The following CAST variants were observed in gnomAD, a reference collection of about 807,000 sequenced individuals.
The protein encoded by CAST is calpastatin.
Under a neutral mutation model 119.6 loss-of-function variants are expected in CAST, and 76 were observed. That is an observed-to-expected ratio of 0.64 (90% CI 0.53 to 0.77). The LOEUF (loss-of-function observed/expected upper bound fraction) is 0.77, where lower values mean the gene tolerates loss of function less well. Ranked by LOEUF, CAST falls within the 30% of genes least tolerant of loss-of-function variation. The probability of loss-of-function intolerance (pLI) is 0.00; values close to 1 mark genes in which losing one functional copy is unlikely to be tolerated. For synonymous variants in CAST, 319 were observed against 331.6 expected, an observed-to-expected ratio of 0.96 and a Z score of 0.41; for missense variants, 953 against 946.5, an observed-to-expected ratio of 1.01 and a Z score of -0.09.
chr5:96,388,069 G>A, the CAST span, among the ~76,000 whole-genome samples: 1 of 152,210 alleles, frequency 6.6e-6, no homozygotes, highest in Non-Finnish European at 1.5e-5. Flanking sequence ...TGGATGTGGA[G>A]GAGAGAGAAA....
chr5:96,633,996 A>C (rs1228761244), intron 1 of CAST, among the ~76,000 whole-genome samples: 2 of 152,194 alleles, frequency 1.3e-5, no homozygotes, highest in Non-Finnish European at 2.9e-5. Context: ...ACTGTTTTGC[A>C]AATGGAGAGA....
chr5:96,515,103 C>T, the CAST span, among the ~76,000 whole-genome samples: 57,170 of 151,850 alleles, frequency 0.38, 11,032 homozygotes, highest in East Asian at 0.56. Context: ...AGAGATTGTC[C>T]GTGGTTTGCC....
At chr5:96,157,648 C>T in the CAST span, among the ~76,000 whole-genome samples, 1 of 152,166 alleles carries the variant, frequency 6.6e-6, no homozygotes, top group Non-Finnish European at 1.5e-5. Flanking sequence ...ATAAAAAGAA[C>T]CTCAGCTGAG....
intron 4 of CAST, among the ~76,000 whole-genome samples, chr5:96,725,627 ATAAAT>A (rs1276153628): frequency 6.6e-6 from 1 of 152,230 alleles, no homozygotes; most frequent in Non-Finnish European, 1.5e-5. Flanking sequence ...CACTACAAAA[ATAAAT>A]TCAGCAATTA....
At chr5:96,712,319 T>G (rs1756332063) in intron 3 of CAST, among the ~76,000 whole-genome samples, 1 of 152,038 alleles carries the variant, frequency 6.6e-6, no homozygotes, top group Non-Finnish European at 1.5e-5. Flanking sequence ...TGACACAACT[T>G]TTTTTCTTTT....
intron 3 of CAST, among the ~76,000 whole-genome samples, chr5:96,720,948 G>T (rs1049930357): frequency 3.9e-5 from 6 of 152,232 alleles, no homozygotes; most frequent in Non-Finnish European, 8.8e-5. Flanking sequence ...GGAATTTCTT[G>T]AGTTTGAATG....
chr5:96,112,456 G>T, the CAST span, among the ~76,000 whole-genome samples: 1 of 152,122 alleles, frequency 6.6e-6, no homozygotes, highest in South Asian at 2.1e-4. Flanking sequence ...CCACTAGGAG[G>T]ATAAATTTTG....
intron 1 of CAST, among the ~76,000 whole-genome samples, chr5:96,556,862 C>T (rs989911093): frequency 2.6e-5 from 4 of 152,068 alleles, no homozygotes; most frequent in Admixed American, 6.6e-5. Flanking sequence ...CAGAGAATGC[C>T]ACAAAGATAC....
chr5:96,576,416 CT>C (rs1451719431), intron 1 of CAST, among the ~76,000 whole-genome samples: 6 of 152,082 alleles, frequency 3.9e-5, no homozygotes. Flanking sequence ...ACAATCTTGG[CT>C]CACTGCAATC....
the CAST span, among the ~76,000 whole-genome samples, chr5:96,363,935 T>C: frequency 1.3e-5 from 2 of 152,144 alleles, no homozygotes; most frequent in South Asian, 2.1e-4. Flanking sequence ...ATGCTTCCAG[T>C]TTTTGCCCAT....
chr5:96,186,193 T>C, the CAST span, among the ~76,000 whole-genome samples: 1 of 152,212 alleles, frequency 6.6e-6, no homozygotes, highest in African/African-American at 2.4e-5. Context: ...TTTTTGCACA[T>C]TGATTTTATA....
the CAST span, among the ~76,000 whole-genome samples, chr5:96,284,440 G>C: frequency 4.6e-5 from 7 of 152,094 alleles, no homozygotes; most frequent in Admixed American, 2.6e-4. Context: ...ACCAGCATGG[G>C]GTTAACTATT....
chr5:96,644,040 C>T (rs1368793120), intron 1 of CAST, among the ~76,000 whole-genome samples: 1 of 150,186 alleles, frequency 6.7e-6, no homozygotes, highest in East Asian at 2.0e-4. Flanking sequence ...AACGAGGTTC[C>T]GTCTCAAAAA....
the CAST span, among the ~76,000 whole-genome samples, chr5:96,491,963 C>G: frequency 6.6e-6 from 1 of 152,166 alleles, no homozygotes; most frequent in Non-Finnish European, 1.5e-5. Context: ...TGGGACAGAG[C>G]CAGTATAACA....
At chr5:96,246,851 A>G in the CAST span, among the ~76,000 whole-genome samples, 41 of 152,346 alleles carry the variant, frequency 2.7e-4, no homozygotes, top group Non-Finnish European at 5.0e-4. Flanking sequence ...TAATAATTTT[A>G]GTAATTAATA....
At chr5:96,543,075 C>T (rs1044223208) in intron 1 of CAST, among the ~76,000 whole-genome samples, 15 of 152,208 alleles carry the variant, frequency 9.9e-5, no homozygotes, top group African/African-American at 3.4e-4. Flanking sequence ...TATAAAGACA[C>T]ATGCACACAT....
chr5:96,651,498 T>A (rs1356006366), intron 1 of CAST, among the ~76,000 whole-genome samples: 1 of 152,266 alleles, frequency 6.6e-6, no homozygotes, highest in African/African-American at 2.4e-5. Flanking sequence ...AATTTTCTTA[T>A]CCTGTCTCTA....
At chr5:96,239,884 T>C in the CAST span, among the ~76,000 whole-genome samples, 1 of 152,148 alleles carries the variant, frequency 6.6e-6, no homozygotes, top group African/African-American at 2.4e-5. Context: ...ATACGTGTTA[T>C]AATTTTGCGT....
chr5:96,401,173 A>G, the CAST span, among the ~76,000 whole-genome samples: 2 of 151,580 alleles, frequency 1.3e-5, no homozygotes, highest in Non-Finnish European at 2.9e-5. Flanking sequence ...TGAGTGCTAT[A>G]TTCATAGCTT....
Sources: gnomAD v4.1 joint callset for allele counts (sites outside exome capture counted in the v4.1 genomes callset) on GRCh38, gnomAD v4.1.1 for gene constraint, MANE v1.5 for transcripts, NCBI Gene and HGNC (gene_info 2026-07-23, HGNC 2026-07-21) for gene names.